TMEM131: variants seen among roughly 807,000 people sequenced by gnomAD.
TMEM131 encodes the protein 2610524E03Rik.
TMEM131 carries 66 observed loss-of-function variants against 211.6 expected under a neutral mutation model. The ratio of observed to expected loss-of-function variants is 0.31; its 90% CI spans 0.26 to 0.38. TMEM131 has a LOEUF of 0.38. Among genes scored for constraint, TMEM131 ranks in the 10% least tolerant of loss-of-function variants. The probability of loss-of-function intolerance (pLI) is 1.00; values close to 1 mark genes in which losing one functional copy is unlikely to be tolerated. For missense variants in TMEM131, 2,036 were observed against 2,299.3 expected (o/e 0.89, Z 2.34); for synonymous variants, 844 against 841.3 (o/e 1.00, Z -0.06).
chr2:97,955,883 AAC>A (rs1297447179), intron 1 of TMEM131, among the ~76,000 whole-genome samples: 1 of 152,196 alleles, frequency 6.6e-6, no homozygotes, highest in Non-Finnish European at 1.5e-5. Flanking sequence ...TAGAGTACTT[AAC>A]ACAGGAAAAA....
chr2:97,895,171 G>A (rs1242975663), intron 3 of TMEM131, among the ~76,000 whole-genome samples: 5 of 152,128 alleles, frequency 3.3e-5, no homozygotes, highest in East Asian at 3.8e-4. Flanking sequence ...GATGGATTAC[G>A]TTTATTGATT....
chr2:97,941,880 C>T (rs1038488168), intron 1 of TMEM131, among the ~76,000 whole-genome samples: 5 of 152,194 alleles, frequency 3.3e-5, no homozygotes, highest in African/African-American at 1.2e-4. Flanking sequence ...GTTGGTGGGA[C>T]TGTAAACTAG....
intron 1 of TMEM131, among the ~76,000 whole-genome samples, chr2:97,982,348 C>T (rs1382899074): frequency 6.6e-6 from 1 of 152,032 alleles, no homozygotes; most frequent in Non-Finnish European, 1.5e-5. Context: ...GATCCCCTGC[C>T]CATTTTTTAA....
chr2:97,931,482 G>A (rs993277698), intron 1 of TMEM131, among the ~76,000 whole-genome samples: 1 of 151,854 alleles, frequency 6.6e-6, no homozygotes, highest in Non-Finnish European at 1.5e-5. Context: ...TTTCTTTTAG[G>A]TGAAGGTATT....
intron 2 of TMEM131, among the ~76,000 whole-genome samples, chr2:97,910,477 C>T (rs113426943): frequency 6.6e-6 from 1 of 152,094 alleles, no homozygotes; most frequent in African/African-American, 2.4e-5. Context: ...GTAGAAGCAA[C>T]CCAAATGCCC....
At chr2:97,826,047 G>A (rs978648443) in intron 11 of TMEM131, among the ~76,000 whole-genome samples, 3 of 152,216 alleles carry the variant, frequency 2.0e-5, no homozygotes, top group Non-Finnish European at 2.9e-5. Context: ...GAGCATGACT[G>A]CTGACAAATT....
intron 1 of TMEM131, among the ~76,000 whole-genome samples, chr2:97,949,552 C>T (rs889011658): frequency 1.3e-5 from 2 of 151,988 alleles, no homozygotes; most frequent in East Asian, 3.9e-4. Flanking sequence ...TGGTGGCTCA[C>T]GCCTGTAATC....
rs370335477 is a variant in TMEM131 at position 97,757,276 on chromosome 2, C to T, written c.5475G>A (p.Thr1825=). 4 of 1,613,686 alleles carry T rather than the reference C, an allele frequency of 2.5e-6. No individual in the cohort carries two copies. Among genetic ancestry groups the T allele is most frequent in the African/African-American group, 2.7e-5 (2 of 74,836 alleles). Residue 1825 remains threonine (T), a synonymous_variant, in exon 41 of 41, where the codon ACG becomes ACA. Transcript: ENST00000186436. ...SALPFTTPAN[T]LASIGLMGTE... is the part of the protein sequence containing the mutation. ...TGCCCATGAGGCCGATGCTTGCCAG[C>T]GTGTTTGCTGGAGTGGTGAAGGGAA...
intron 1 of TMEM131, among the ~76,000 whole-genome samples, chr2:97,994,156 A>G (rs1219078748): frequency 1.3e-5 from 2 of 152,248 alleles, no homozygotes; most frequent in African/African-American, 4.8e-5. Flanking sequence ...CCAAAATGCT[A>G]GGTGCCACGA....
chr2:97,842,109 AC>A (rs1345039849), intron 6 of TMEM131, among the ~76,000 whole-genome samples, 172 bp from the exon 7 acceptor site: 5 of 152,244 alleles, frequency 3.3e-5, no homozygotes, highest in Admixed American at 6.5e-5. Context: ...TGATTTGGCT[AC>A]ATATTTGATT....
intron 19 of TMEM131, among the ~76,000 whole-genome samples, chr2:97,806,177 T>C (rs1315758025): frequency 6.6e-6 from 1 of 152,178 alleles, no homozygotes; most frequent in South Asian, 2.1e-4. Context: ...AGGAAAAATA[T>C]ATGTCATTTG....
At chr2:97,936,685 A>C (rs1677461642) in intron 1 of TMEM131, among the ~76,000 whole-genome samples, 1 of 152,120 alleles carries the variant, frequency 6.6e-6, no homozygotes, top group African/African-American at 2.4e-5. Flanking sequence ...AAACAACAAC[A>C]AACCTTAGGG....
At chr2:97,874,389 C>T (rs1385833896) in intron 4 of TMEM131, among the ~76,000 whole-genome samples, 1 of 152,156 alleles carries the variant, frequency 6.6e-6, no homozygotes, top group Non-Finnish European at 1.5e-5. Flanking sequence ...CAACAACACT[C>T]CTCGAGAAGA....
chr2:97,874,301 C>T (rs184085572), intron 4 of TMEM131, among the ~76,000 whole-genome samples: 1 of 152,352 alleles, frequency 6.6e-6, no homozygotes, highest in Admixed American at 6.5e-5. Context: ...AAACACTCTT[C>T]AGGATATTAT....
At chr2:97,854,459 C>A (rs950463100) in intron 5 of TMEM131, among the ~76,000 whole-genome samples, 1 of 152,218 alleles carries the variant, frequency 6.6e-6, no homozygotes, top group Non-Finnish European at 1.5e-5. Context: ...TTCTTCACCT[C>A]TTCCACGTAC....
intron 1 of TMEM131, among the ~76,000 whole-genome samples, chr2:97,958,783 G>C (rs1291784020): frequency 6.6e-6 from 1 of 152,230 alleles, no homozygotes; most frequent in African/African-American, 2.4e-5. Flanking sequence ...GACAGTACTT[G>C]AACTTGGGGA....
intron 31 of TMEM131, among the ~76,000 whole-genome samples, chr2:97,786,951 A>AT (rs1169491040): frequency 6.6e-6 from 1 of 152,132 alleles, no homozygotes; most frequent in Non-Finnish European, 1.5e-5. Context: ...ACTATATGAC[A>AT]TTTTTCCTCA....
intron 1 of TMEM131, among the ~76,000 whole-genome samples, chr2:97,949,215 C>A (rs928288396): frequency 1.3e-5 from 2 of 152,028 alleles, no homozygotes; most frequent in African/African-American, 2.4e-5. Flanking sequence ...ACATTACAGA[C>A]AAATCTAAAA....
rs185526909 is a variant in TMEM131, at chr2:97,946,887, T to C, written c.188-19400A>G. Among the ~76,000 whole-genome samples, 6 of 151,900 alleles carry C rather than the reference T, an allele frequency of 3.9e-5. No individual in the cohort carries two copies. In the East Asian group the frequency reaches 1.2e-3, roughly 29 times the overall value. On this transcript the variant is annotated intron_variant, in intron 1 of 40. Transcript: ENST00000186436. ...AAAAGATAAAAACATCATGACCAAGTGGGATTTATCCCAGGAATGAAATAC... is the reference window on the plus strand; with the variant it reads ...AAAAGATAAAAACATCATGACCAAGCGGGATTTATCCCAGGAATGAAATAC...
Sources: gnomAD v4.1 joint callset for allele counts (sites outside exome capture counted in the v4.1 genomes callset) on GRCh38, gnomAD v4.1.1 for gene constraint, MANE v1.5 for transcripts, NCBI Gene and HGNC (gene_info 2026-07-23, HGNC 2026-07-21) for gene names.